Variants in BAHCC1 observed in about 807,000 individuals in gnomAD.
BAHCC1 encodes BAH domain and coiled-coil containing 1, also known as BAH and coiled-coil domain-containing protein 1.
A neutral mutation model predicts 88.2 loss-of-function variants in BAHCC1; 43 were observed. That is an observed-to-expected ratio of 0.49 (90% CI 0.38 to 0.63). BAHCC1 has a LOEUF of 0.63. Ranked by LOEUF, BAHCC1 falls within the 20% of genes least tolerant of loss-of-function variation. BAHCC1 has a pLI of 0.00. For synonymous variants in BAHCC1, 1,510 were observed against 745.5 expected (o/e 2.03, Z -16.71); for missense variants, 3,023 against 1,654.8 (o/e 1.83, Z -14.34).
chr17:81,449,462 C>T (rs1418652805), intron 11 of BAHCC1, among the ~76,000 whole-genome samples: 2 of 152,210 alleles, frequency 1.3e-5, no homozygotes, highest in Admixed American at 6.5e-5. Flanking sequence ...AAAAAGCCCC[C>T]ACCATCGGGG....
intron 27 of BAHCC1, 27 bp downstream of exon 27, chr17:81,463,003 A>G: frequency 1.3e-6 from 1 of 772,134 alleles, no homozygotes; most frequent in Non-Finnish European, 2.4e-6. Context: ...TGTGGGGCCC[A>G]GCCCCCCTCG....
Position 81,443,395 on chromosome 17 carries a change from C to A in BAHCC1, c.2046C>A (p.Asp682Glu). ...GCCCAGGCCAGTCGGAGAGGCCGGA[C>A]TGTGCCCGCAGCAGGGAGCACGACA... is the stretch of plus-strand genomic sequence containing the variant. ...SKGPGQSERPDCARSREHDTT... is the reference protein window; with the variant it reads ...SKGPGQSERPECARSREHDTT... The change falls in exon 5 of 28, where the codon GAC (aspartate) becomes GAA (glutamate). Residue 682 changes from aspartate (D) to glutamate (E), a missense_variant. Asp to Glu is a conservative substitution (Grantham distance 45). Transcript: ENST00000675386. 1 of 773,204 alleles carries A rather than the reference C, an allele frequency of 1.3e-6. No homozygotes were observed. Among genetic ancestry groups the A allele is most frequent in the Non-Finnish European group, 2.4e-6 (1 of 414,920 alleles). 47.9% of individuals were successfully genotyped at this position (773,204 alleles called of 1,614,324 possible).
rs1568021096 is a variant in BAHCC1 at position 81,444,740 on chromosome 17, C to CT, written c.2586dup (p.Val863CysfsTer217). On this transcript the variant is annotated frameshift_variant, in exon 8 of 28. Coordinates refer to ENST00000675386, the MANE Select transcript of BAHCC1 (RefSeq NM_001377448.1). LOFTEE classifies it high-confidence loss of function. ...GCCTCCGTGGCTGGCCCTGTGCCCTCTGTCTTCCCCCTCCCACAGGACGCC... is the reference window on the plus strand; with the variant it reads ...GCCTCCGTGGCTGGCCCTGTGCCCTCTTGTCTTCCCCCTCCCACAGGACGCC... 1 of 778,696 alleles carries CT rather than the reference C, an allele frequency of 1.3e-6. No individual in the cohort carries two copies. The highest frequency in any genetic ancestry group is 2.4e-6 in the Non-Finnish European group (1 of 417,678). The allele number at this position is 778,696 out of a possible 1,614,324, so 48.2% of individuals were successfully genotyped here.
At chr17:81,408,526 G>A (rs1423507820) in intron 2 of BAHCC1, among the ~76,000 whole-genome samples, 1 of 151,970 alleles carries the variant, frequency 6.6e-6, no homozygotes, top group Admixed American at 6.5e-5. Flanking sequence ...ACAATCCCCA[G>A]TGCCTGCCCC....
intron 13 of BAHCC1, 66 bp from the exon 14 acceptor site, chr17:81,452,657 G>A (rs906979829): frequency 2.9e-5 from 19 of 649,044 alleles, no homozygotes; most frequent in African/African-American, 1.3e-4. Flanking sequence ...CAATGCCCTC[G>A]GCTGGAACCT....
rs781983567 is a variant in BAHCC1, at chr17:81,459,056, C to T, written c.5608C>T (p.Arg1870Cys). 3.3e-5 allele frequency: 25 copies of T among 756,326 alleles called. No homozygotes were observed. Among genetic ancestry groups the T allele is most frequent in the African/African-American group, 5.1e-5 (3 of 58,612 alleles). The allele number at this position is 756,326 out of a possible 1,614,324, so 46.9% of individuals were successfully genotyped here. A position where few individuals can be genotyped will look rare whatever the true frequency, so the allele number is the denominator to read the frequency against. The part of the protein sequence containing the change: ...LSAEQSAALA[R>C]SCAIHKEDLR... Reference sequence around the variant, plus strand: ...CCGCTGACACCTTGTGCCCACAGCGCGCTCGTGTGCCATCCACAAGGAGGA... The same window carrying T: ...CCGCTGACACCTTGTGCCCACAGCGTGCTCGTGTGCCATCCACAAGGAGGA... Residue 1870 changes from arginine to cysteine, a missense_variant and splice_region_variant, in exon 21 of 28, where the codon CGC becomes TGC. Physicochemically the swap from Arg to Cys is radical, Grantham distance 180 (BLOSUM62 -3). Coordinates refer to ENST00000675386, the MANE Select transcript of BAHCC1 (RefSeq NM_001377448.1).
At chr17:81,426,533 G>A (rs1247745214) in intron 2 of BAHCC1, among the ~76,000 whole-genome samples, 1 of 151,674 alleles carries the variant, frequency 6.6e-6, no homozygotes, top group African/African-American at 2.4e-5. Context: ...TGACAAAGAT[G>A]TCGTTCTTGG....
At chr17:81,446,693 C>T (rs2143549806) in intron 10 of BAHCC1, 1 of 438,558 alleles carries the variant, frequency 2.3e-6, no homozygotes. Flanking sequence ...GGACCACAGG[C>T]ATGCACCACC....
At chr17:81,419,747 G>A (rs2143343932) in intron 2 of BAHCC1, among the ~76,000 whole-genome samples, 1 of 151,956 alleles carries the variant, frequency 6.6e-6, no homozygotes, top group South Asian at 2.1e-4. Flanking sequence ...GCCTGGGAAG[G>A]GCCTCGCTGC....
chr17:81,444,343 T>G (rs782626356), intron 6 of BAHCC1, 38 bp from the exon 7 acceptor site: 2 of 710,894 alleles, frequency 2.8e-6, no homozygotes, highest in South Asian at 3.0e-5. Context: ...GAGCTGGGCC[T>G]TGGCGCCGGC....
intron 2 of BAHCC1, among the ~76,000 whole-genome samples, chr17:81,408,279 G>A (rs547649338): frequency 3.3e-5 from 5 of 152,244 alleles, no homozygotes; most frequent in South Asian, 2.1e-4. Context: ...CCTGGAAGCC[G>A]CTGCCTGCAT....
At chr17:81,441,413 A>C (rs970427693) in intron 4 of BAHCC1, among the ~76,000 whole-genome samples, 1 of 152,228 alleles carries the variant, frequency 6.6e-6, no homozygotes, top group African/African-American at 2.4e-5. Flanking sequence ...CTGTAATCCC[A>C]GTACTTTGGG....
At chr17:81,415,224 C>T (rs957539317) in intron 2 of BAHCC1, among the ~76,000 whole-genome samples, 4 of 152,246 alleles carry the variant, frequency 2.6e-5, no homozygotes, top group Admixed American at 6.5e-5. Context: ...CACCCATCTT[C>T]CTGGACCCTG....
rs376768401 is a variant in BAHCC1, at chr17:81,399,222, C to T, written c.-206-312C>T. ...AGCAGAGCCAGCAGCCTCTTCGCCG[C>T]GGCGCCCTAGCTGCAGGGACCCGCG... is the stretch of plus-strand genomic sequence containing the variant. On this transcript the variant is annotated intron_variant, in intron 1 of 27. Coordinates refer to ENST00000675386, the MANE Select transcript of BAHCC1 (RefSeq NM_001377448.1). This position sits in a 1 kb window ranked among gnomAD's most constrained non-coding sequence, Gnocchi z 4.5. The T allele has an allele frequency of 1.9e-5, 8 of 423,696 alleles. No individual in the cohort carries two copies. Among genetic ancestry groups the T allele is most frequent in the South Asian group, 9.7e-5 (6 of 62,110 alleles). 26.2% of individuals were successfully genotyped at this position (423,696 alleles called of 1,614,324 possible).
At chr17:81,441,000 A>G (rs1555652408) in intron 4 of BAHCC1, among the ~76,000 whole-genome samples, 1 of 152,114 alleles carries the variant, frequency 6.6e-6, no homozygotes, top group African/African-American at 2.4e-5. Flanking sequence ...CCTGGTTTCC[A>G]AGGTCTTGGT....
At chr17:81,402,409 C>A (rs543554506) in intron 2 of BAHCC1, 12 of 152,154 alleles carry the variant, frequency 7.9e-5, no homozygotes, top group African/African-American at 1.2e-4. Flanking sequence ...TTGCTTTGGT[C>A]TGTGTCTATA....
At chr17:81,428,368 A>T (rs1386860034) in intron 3 of BAHCC1, among the ~76,000 whole-genome samples, 1 of 151,994 alleles carries the variant, frequency 6.6e-6, no homozygotes, top group Non-Finnish European at 1.5e-5. Context: ...GCACCGGGGG[A>T]GCAGGAAGGG....
In BAHCC1 at chr17:81,399,545, G is replaced by A; in HGVS notation, c.-195G>A. The A allele has an allele frequency of 2.6e-6, 1 of 385,652 alleles. No homozygotes were observed. Among genetic ancestry groups the A allele is most frequent in the South Asian group, 1.8e-5 (1 of 56,418 alleles). The allele number at this position is 385,652 out of a possible 1,614,324, so 23.9% of individuals were successfully genotyped here. ...TTTTGCCTCCACAGACCATGGACCC[G>A]CACAGCGGCCGCTGGCTCGGTGCGC... is the stretch of plus-strand genomic sequence containing the variant. On this transcript the variant is annotated 5_prime_UTR_variant, in exon 2 of 28. Coordinates refer to ENST00000675386, the MANE Select transcript of BAHCC1 (RefSeq NM_001377448.1). The surrounding 1 kb of genome is among the most constrained non-coding windows in gnomAD (Gnocchi z 4.5).
chr17:81,450,756 G>T (rs538421394), intron 11 of BAHCC1, among the ~76,000 whole-genome samples: 5 of 152,150 alleles, frequency 3.3e-5, no homozygotes, highest in African/African-American at 1.2e-4. Flanking sequence ...ACCCCTGCCC[G>T]CTGCCCTCCT....
Sources: gnomAD v4.1 joint callset for allele counts (sites outside exome capture counted in the v4.1 genomes callset) on GRCh38, gnomAD v4.1.1 for gene constraint, Gnocchi (gnomAD v3.1) non-coding constraint, MANE v1.5 for transcripts, NCBI Gene and HGNC (gene_info 2026-07-23, HGNC 2026-07-21) for gene names.